HLA-DRB1: variants seen among roughly 807,000 people sequenced by gnomAD.
HLA-DRB1 encodes the protein major histocompatibility complex, class II, DR beta 1.
In HLA-DRB1, 10 loss-of-function variants were observed where a neutral mutation model predicts 27.9. The observed-to-expected ratio is 0.36, with a 90% CI of 0.22 to 0.61. The LOEUF (loss-of-function observed/expected upper bound fraction) is 0.61, where lower values mean the gene tolerates loss of function less well. Among genes scored for constraint, HLA-DRB1 ranks in the 20% least tolerant of loss-of-function variants. The pLI, the probability that HLA-DRB1 is intolerant of heterozygous loss-of-function variation, is 0.73. For synonymous variants in HLA-DRB1, 57 were observed against 126.7 expected, an observed-to-expected ratio of 0.45 and a Z score of 3.69; for missense variants, 118 against 306.3, an observed-to-expected ratio of 0.39 and a Z score of 4.59.
At chr6:32,588,494 C>T (rs1198576624) in intron 1 of HLA-DRB1, among the ~76,000 whole-genome samples, 1 of 71,682 alleles carries the variant, frequency 1.4e-5, no homozygotes, top group Non-Finnish European at 2.8e-5. Flanking sequence ...TCTCATAGTG[C>T]TAAGGTTCTG....
chr6:32,588,561 CTG>C (rs1491518400), intron 1 of HLA-DRB1, among the ~76,000 whole-genome samples: 152 of 53,420 alleles, frequency 2.8e-3, no homozygotes, highest in Non-Finnish European at 4.0e-3. Flanking sequence ...AAAATAGAAA[CTG>C]GAGGAAGAGG....
At chr6:32,586,662 A>C (rs377079142) in intron 1 of HLA-DRB1, among the ~76,000 whole-genome samples, 3 of 49,576 alleles carry the variant, frequency 6.1e-5, no homozygotes, top group Non-Finnish European at 1.2e-4. Flanking sequence ...AAATACCTGA[A>C]GCCCTGGCCT....
intron 1 of HLA-DRB1, among the ~76,000 whole-genome samples, chr6:32,586,151 A>G (rs199674535): frequency 0.058 from 6,865 of 118,852 alleles, 9 homozygotes; most frequent in South Asian, 0.076. Context: ...CTCGCTAATA[A>G]TGACTGAGCA....
intron 1 of HLA-DRB1, among the ~76,000 whole-genome samples, chr6:32,586,490 A>G (rs9270084): frequency 0.21 from 12,395 of 58,132 alleles, 1,314 homozygotes; most frequent in East Asian, 0.31. Context: ...GGACTTACAC[A>G]CATGATGTTC....
chr6:32,587,407 A>ATAAATAGG (rs1430699364), intron 1 of HLA-DRB1, among the ~76,000 whole-genome samples: 13,537 of 52,148 alleles, frequency 0.26, 5,805 homozygotes, highest in Non-Finnish European at 0.33. Flanking sequence ...AAACAAACAA[A>ATAAATAGG]TAAATAAATA....
exon 1 of HLA-DRB1, chr6:32,589,658 A>C (rs9270299): frequency 0.73 from 544,593 of 747,664 alleles, 244,868 homozygotes; most frequent in Admixed American, 0.87. Context: ...GTGTCCCCAG[A>C]CAAAGCCAGT....
chr6:32,586,490 A>C (rs9270084), intron 1 of HLA-DRB1, among the ~76,000 whole-genome samples: 12,281 of 63,504 alleles, frequency 0.19, 169 homozygotes, highest in Admixed American at 0.28. Flanking sequence ...GGACTTACAC[A>C]CATGATGTTC....
chr6:32,580,503 G>C (rs9269761), intron 4 of HLA-DRB1, among the ~76,000 whole-genome samples: 59 of 105,384 alleles, frequency 5.6e-4, no homozygotes, highest in Non-Finnish European at 7.5e-4. Context: ...ATTTGCTCCA[G>C]GATCTCAAAC....
chr6:32,586,800 T>C (rs34957537), intron 1 of HLA-DRB1, among the ~76,000 whole-genome samples: 1 of 93,586 alleles, frequency 1.1e-5, no homozygotes, highest in Non-Finnish European at 2.2e-5. Context: ...CCATAGTTTT[T>C]CCTATCTCAA....
intron 1 of HLA-DRB1, among the ~76,000 whole-genome samples, chr6:32,588,568 A>T (rs28724202): frequency 9.2e-3 from 565 of 61,746 alleles, no homozygotes; most frequent in East Asian, 0.048. Context: ...AAACTGGAGG[A>T]AGAGGTAAGC....
At chr6:32,588,019 T>C (rs1318649736) in intron 1 of HLA-DRB1, among the ~76,000 whole-genome samples, 2 of 150,760 alleles carry the variant, frequency 1.3e-5, no homozygotes, top group Admixed American at 6.6e-5. Context: ...TCCAGCACTC[T>C]TTCATTTTAA....
intron 1 of HLA-DRB1, among the ~76,000 whole-genome samples, chr6:32,586,039 C>G (rs200771848): frequency 8.1e-6 from 1 of 123,588 alleles, no homozygotes; most frequent in African/African-American, 3.1e-5. Flanking sequence ...TGCTATGTCA[C>G]TAATAAATAT....
chr6:32,586,818 C>A (rs72850294), intron 1 of HLA-DRB1, among the ~76,000 whole-genome samples: 14,476 of 70,652 alleles, frequency 0.2, 1,244 homozygotes, highest in Middle Eastern at 0.4. Flanking sequence ...CAATAAACAA[C>A]ACTACCACCC....
At chr6:32,585,833 CTCT>C in intron 1 of HLA-DRB1, among the ~76,000 whole-genome samples, 1 of 139,816 alleles carries the variant, frequency 7.2e-6, no homozygotes, top group Non-Finnish European at 1.5e-5. Context: ...TACTTATAAC[CTCT>C]CAATTTTAGA....
rs1331977921 is a variant in HLA-DRB1 at position 32,583,442 on chromosome 6, A to T, written c.370+667T>A. ...TGTCAAAACTTTAATTCAAAAAGTT[A>T]GTTTCACAGTCATTTCTACTATGTA... On this transcript the variant is annotated intron_variant, in intron 2 of 5. Transcript: ENST00000360004. 5.6e-5 allele frequency among the ~76,000 whole-genome samples: 3 copies of T among 53,470 alleles called. 1 individual carries two copies. Among genetic ancestry groups the T allele is most frequent in the African/African-American group, 2.2e-4 (3 of 13,920 alleles). The allele number at this position is 53,470 out of a possible 152,430, so 35.1% of individuals were successfully genotyped here.
At chr6:32,582,378 T>C (rs1347007349) in intron 2 of HLA-DRB1, among the ~76,000 whole-genome samples, 2 of 124,176 alleles carry the variant, frequency 1.6e-5, no homozygotes, top group Non-Finnish European at 3.4e-5. Context: ...AGGGCACTCA[T>C]CACACTTGAG....
At chr6:32,589,439 A>T (rs9270275) in intron 1 of HLA-DRB1, among the ~76,000 whole-genome samples, 1,449 of 69,804 alleles carry the variant, frequency 0.021, no homozygotes, top group Admixed American at 0.027. Flanking sequence ...GATTTGTGCA[A>T]AGGCCCCTTA....
intron 1 of HLA-DRB1, among the ~76,000 whole-genome samples, chr6:32,588,002 C>A (rs34578704): frequency 0.075 from 10,699 of 142,226 alleles, 13 homozygotes; most frequent in Admixed American, 0.13. Flanking sequence ...CAAGAAGGGG[C>A]TCAAGCTCCA....
chr6:32,582,759 T>G (rs1775744544), intron 2 of HLA-DRB1, among the ~76,000 whole-genome samples: 1 of 125,272 alleles, frequency 8.0e-6, no homozygotes, highest in African/African-American at 3.1e-5. Flanking sequence ...TAAAATGATT[T>G]TTCTTTCCAG....
Sources: gnomAD v4.1 joint callset for allele counts (sites outside exome capture counted in the v4.1 genomes callset) on GRCh38, gnomAD v4.1.1 for gene constraint, MANE v1.5 for transcripts, NCBI Gene and HGNC (gene_info 2026-07-23, HGNC 2026-07-21) for gene names.